TNR: variants seen among roughly 807,000 people sequenced by gnomAD.
The protein encoded by TNR is tenascin R.
Under a neutral mutation model 150.4 loss-of-function variants are expected in TNR, and 45 were observed. The observed-to-expected ratio is 0.30, with a 90% CI of 0.24 to 0.38. The LOEUF is 0.38. Among genes scored for constraint, TNR ranks in the 10% least tolerant of loss-of-function variants. The probability of loss-of-function intolerance (pLI) is 1.00; values close to 1 mark genes in which losing one functional copy is unlikely to be tolerated. For missense variants in TNR, 1,544 were observed against 1,759.1 expected (o/e 0.88, Z 2.19); for synonymous variants, 687 against 678.4 (o/e 1.01, Z -0.20).
chr1:175,451,218 A>ATTTTTTT (rs1402508268), intron 2 of TNR, among the ~76,000 whole-genome samples: 3 of 92,516 alleles, frequency 3.2e-5, no homozygotes, highest in African/African-American at 8.1e-5. Flanking sequence ...TTTTTTTTTA[A>ATTTTTTT]TGTTTTTATT....
chr1:175,421,408 C>G (rs897998382), intron 2 of TNR, among the ~76,000 whole-genome samples: 1 of 152,162 alleles, frequency 6.6e-6, no homozygotes, highest in Non-Finnish European at 1.5e-5. Flanking sequence ...TTCCCCTGCT[C>G]CCCTGCTGAG....
chr1:175,664,818 G>C (rs893902166), intron 1 of TNR, among the ~76,000 whole-genome samples: 7 of 152,234 alleles, frequency 4.6e-5, no homozygotes, highest in African/African-American at 1.4e-4. Context: ...AGGCAGAAGA[G>C]GCTGGAATGT....
rs554052491 is a variant in TNR at position 175,606,728 on chromosome 1, A to C, written c.-164-78359T>G. Among the ~76,000 whole-genome samples the C allele has an allele frequency of 7.2e-4, 110 of 152,096 alleles. No individual in the cohort carries two copies. In the Middle Eastern group the frequency reaches 0.01, roughly 14 times the overall value. On this transcript the variant is annotated intron_variant, in intron 1 of 22. Transcript: ENST00000367674. ...TGTGAGCCTTTGCCTCTCTGTGCCC[A>C]GTTATCCTCTGAGGATAGCCCTCGA...
At chr1:175,411,365 T>C (rs1406097286) in intron 2 of TNR, among the ~76,000 whole-genome samples, 1 of 152,202 alleles carries the variant, frequency 6.6e-6, no homozygotes, top group Admixed American at 6.5e-5. Flanking sequence ...ATTCTTGGTC[T>C]TAGTGGGTTT....
At chr1:175,694,509 A>G (rs1039056698) in intron 1 of TNR, among the ~76,000 whole-genome samples, 2 of 152,242 alleles carry the variant, frequency 1.3e-5, no homozygotes, top group African/African-American at 2.4e-5. Context: ...AGGAAATTCT[A>G]AATGCAAATA....
intron 10 of TNR, among the ~76,000 whole-genome samples, 164 bp from the exon 11 acceptor site, chr1:175,366,302 G>A (rs577900662): frequency 6.6e-6 from 1 of 152,312 alleles, no homozygotes; most frequent in South Asian, 2.1e-4. Flanking sequence ...CCTTCCCTCT[G>A]AATGATGGCC....
At chr1:175,360,278 C>T (rs546983871) in intron 14 of TNR, among the ~76,000 whole-genome samples, 55 of 152,276 alleles carry the variant, frequency 3.6e-4, no homozygotes, top group African/African-American at 1.2e-3. Flanking sequence ...GGAATGACTG[C>T]GTGGGCTCAG....
At chr1:175,603,371 G>T (rs1224686237) in intron 1 of TNR, among the ~76,000 whole-genome samples, 2 of 152,222 alleles carry the variant, frequency 1.3e-5, no homozygotes, top group Non-Finnish European at 2.9e-5. Flanking sequence ...ATAGTAAGGG[G>T]TCAGTAAGAA....
chr1:175,701,758 T>C lies in TNR; in HGVS notation c.-165+41468A>G, dbSNP rs112529727. Among the ~76,000 whole-genome samples, 1,095 of 152,224 alleles carry C rather than the reference T, an allele frequency of 7.2e-3. 15 individuals carry two copies. The highest frequency in any genetic ancestry group is 0.025 in the African/African-American group (1,039 of 41,508). On this transcript the variant is annotated intron_variant, in intron 1 of 22. Coordinates refer to ENST00000367674, the MANE Select transcript of TNR (RefSeq NM_003285.3). Reference sequence around the variant, plus strand: ...CAGGGTTTTCAGCCACTCCAGAGAGTTGGAGGAGGAGCAGCACCAGGGAGC... The same window carrying C: ...CAGGGTTTTCAGCCACTCCAGAGAGCTGGAGGAGGAGCAGCACCAGGGAGC...
intron 1 of TNR, among the ~76,000 whole-genome samples, chr1:175,710,410 G>A (rs145851285): frequency 8.5e-5 from 13 of 152,130 alleles, no homozygotes; most frequent in African/African-American, 2.7e-4. Context: ...TCCCTGTGAG[G>A]TCTCCCAGGG....
Position 175,359,880 on chromosome 1 carries a change from CT to C in TNR, c.2855-150del, listed in dbSNP as rs1651513850. 4.7e-6 allele frequency: 5 copies of C among 1,057,630 alleles called. No individual in the cohort carries two copies. In the South Asian group the frequency reaches 8.9e-5, roughly 19 times the overall value. The allele number at this position is 1,057,630 out of a possible 1,614,324, so 65.5% of individuals were successfully genotyped here. A position where few individuals can be genotyped will look rare whatever the true frequency, so the allele number is the denominator to read the frequency against. Reference sequence around the variant, plus strand: ...AGCAGAAACCTCTTCCCTTTCTCCTCTTCTGGTTCCATCAGCCTCTTCCATT... The same window carrying C: ...AGCAGAAACCTCTTCCCTTTCTCCTCTCTGGTTCCATCAGCCTCTTCCATT... On this transcript the variant is annotated intron_variant, in intron 14 of 22. Transcript: ENST00000367674.
At chr1:175,631,149 C>T (rs1664313927) in intron 1 of TNR, among the ~76,000 whole-genome samples, 1 of 152,158 alleles carries the variant, frequency 6.6e-6, no homozygotes, top group Admixed American at 6.5e-5. Context: ...CATTGTGAGA[C>T]TTTAATACAG....
chr1:175,741,782 T>A (rs1667937693), intron 1 of TNR, among the ~76,000 whole-genome samples: 1 of 152,204 alleles, frequency 6.6e-6, no homozygotes, highest in African/African-American at 2.4e-5. Context: ...TTTCTTCATC[T>A]TGGAGAAGGG....
intron 2 of TNR, among the ~76,000 whole-genome samples, chr1:175,465,374 TTTTGTGCCAGTTGATGGC>T (rs532852678): frequency 2.6e-5 from 4 of 152,352 alleles, no homozygotes; most frequent in Non-Finnish European, 5.9e-5. Context: ...CCAGCTATTA[TTTTGTGCCAGTTGATGGC>T]ACAGAATGAG....
At chr1:175,330,336 G>C in intron 20 of TNR, 101 bp from the exon 21 acceptor site, 4 of 1,308,698 alleles carry the variant, frequency 3.1e-6, no homozygotes, top group Non-Finnish European at 4.1e-6. Context: ...ACAGGGAAGA[G>C]GAGGGGACTC....
intron 1 of TNR, among the ~76,000 whole-genome samples, chr1:175,736,303 C>G (rs1186342666): frequency 6.6e-6 from 1 of 152,126 alleles, no homozygotes; most frequent in South Asian, 2.1e-4. Context: ...GGGTGGATCA[C>G]GAGGTCAGGA....
intron 1 of TNR, among the ~76,000 whole-genome samples, chr1:175,558,975 G>C (rs765396458): frequency 5.9e-5 from 9 of 152,176 alleles, no homozygotes; most frequent in Non-Finnish European, 1.3e-4. Flanking sequence ...GTGCCACTCT[G>C]GTGGGAGATG....
At chr1:175,668,215 G>A (rs1665588681) in intron 1 of TNR, among the ~76,000 whole-genome samples, 2 of 152,206 alleles carry the variant, frequency 1.3e-5, no homozygotes, top group South Asian at 2.1e-4. Flanking sequence ...TTGCTTGAGG[G>A]AAATTAACAG....
chr1:175,685,648 TC>T (rs1666172496), intron 1 of TNR, among the ~76,000 whole-genome samples: 1 of 152,050 alleles, frequency 6.6e-6, no homozygotes. Flanking sequence ...ATAGTCAAAG[TC>T]TATACCCTGG....
Sources: gnomAD v4.1 joint callset for allele counts (sites outside exome capture counted in the v4.1 genomes callset) on GRCh38, gnomAD v4.1.1 for gene constraint, MANE v1.5 for transcripts, NCBI Gene and HGNC (gene_info 2026-07-23, HGNC 2026-07-21) for gene names.